QTRT1: variants seen among roughly 807,000 people sequenced by gnomAD.
The protein encoded by QTRT1 is queuine tRNA-ribosyltransferase catalytic subunit 1.
Under a neutral mutation model 44.0 loss-of-function variants are expected in QTRT1, and 41 were observed. That is an observed-to-expected ratio of 0.93 (90% confidence interval 0.73 to 1.21). QTRT1 has a LOEUF of 1.21. QTRT1 is among the 50% of genes most tolerant of loss of function. QTRT1 has a pLI of 0.00. For missense variants in QTRT1, 542 were observed against 575.8 expected (o/e 0.94, Z 0.60); for synonymous variants, 226 against 237.1 (o/e 0.95, Z 0.43).
At chr19:10,701,908 A>T in intron 1 of QTRT1, 42 bp from the exon 2 acceptor site, 2 of 1,609,792 alleles carry the variant, frequency 1.2e-6, no homozygotes, top group Non-Finnish European at 1.7e-6. Flanking sequence ...GCCCCCAGGG[A>T]CGCGGTCACC....
chr19:10,701,928 A>T (rs751509909), intron 1 of QTRT1, 22 bp from the exon 2 acceptor site: 24 of 1,613,828 alleles, frequency 1.5e-5, no homozygotes, highest in Non-Finnish European at 2.0e-5. Context: ...CCCTAACCTG[A>T]CACTTTCTTC....
intron 5 of QTRT1, among the ~76,000 whole-genome samples, chr19:10,710,373 G>A (rs554482075): frequency 2.8e-3 from 419 of 152,060 alleles, no homozygotes; most frequent in Non-Finnish European, 3.8e-3. Flanking sequence ...CTGGAGTGCA[G>A]TGGCACCATC....
chr19:10,706,154 G>A (rs2068712790), intron 3 of QTRT1, among the ~76,000 whole-genome samples: 1 of 151,738 alleles, frequency 6.6e-6, no homozygotes, highest in African/African-American at 2.4e-5. Flanking sequence ...GCGCCCGGCT[G>A]TGGCCTGTTC....
At chr19:10,702,585 C>G (rs913459161) in intron 3 of QTRT1, among the ~76,000 whole-genome samples, 1 of 151,934 alleles carries the variant, frequency 6.6e-6, no homozygotes, top group Non-Finnish European at 1.5e-5. Flanking sequence ...GGGAAGATCA[C>G]TTGAGGCCGG....
In QTRT1 at chr19:10,712,604, C is replaced by T. The variant is rs1420568066; in HGVS notation, c.837C>T (p.Asp279=). The change falls in exon 7 of 10, where the codon GAC becomes GAT. Residue 279 remains aspartate (D), a synonymous_variant. Coordinates refer to ENST00000250237, the MANE Select transcript of QTRT1 (RefSeq NM_031209.3). This position sits in a 1 kb window ranked among gnomAD's most constrained non-coding sequence, Gnocchi z 5.6. ...VCVALGCDMF[D]CVFPTRTARF... ...TGGCTCTTGGATGTGACATGTTCGA[C>T]TGCGTCTTCCCCACACGGACAGCGG... 6.2e-7 allele frequency: 1 copy of T among 1,612,040 alleles called. No individual in the cohort carries two copies. The highest frequency in any genetic ancestry group is 1.7e-5 in the Admixed American group (1 of 59,418).
intron 3 of QTRT1, among the ~76,000 whole-genome samples, chr19:10,706,188 T>C (rs540960653): frequency 6.6e-6 from 1 of 152,000 alleles, no homozygotes; most frequent in South Asian, 2.1e-4. Flanking sequence ...ATTGTTTTCA[T>C]CTATTTATTT....
At chr19:10,709,722 G>A (rs1451241438) in intron 5 of QTRT1, among the ~76,000 whole-genome samples, 3 of 152,120 alleles carry the variant, frequency 2.0e-5, no homozygotes, top group Non-Finnish European at 4.4e-5. Flanking sequence ...GGTGGCGGGC[G>A]CCTGTAGTCT....
intron 5 of QTRT1, among the ~76,000 whole-genome samples, chr19:10,709,676 A>G (rs984373733): frequency 6.6e-6 from 1 of 152,070 alleles, no homozygotes; most frequent in Non-Finnish European, 1.5e-5. Flanking sequence ...GTGAAACCCC[A>G]TCTCTACTAA....
Position 10,712,742 on chromosome 19 carries a change from C to G in QTRT1, c.862-16C>G. ...CCCTGGGTGACGCCCCTTTCCCTGC[C>G]CTTCCTCTCCCACAGCGCTTTGGCT... On this transcript the variant is annotated splice_polypyrimidine_tract_variant and intron_variant, in intron 7 of 9. Transcript: ENST00000250237. The surrounding 1 kb of genome is among the most constrained non-coding windows in gnomAD (Gnocchi z 5.6). 1 of 1,610,864 alleles carries G rather than the reference C, an allele frequency of 6.2e-7. No individual in the cohort carries two copies.
Position 10,712,666 on chromosome 19 carries a change from G to C in QTRT1, c.861+38G>C, listed in dbSNP as rs1462071095. The C allele has an allele frequency of 8.3e-6, 11 of 1,323,766 alleles. No homozygotes were observed. The highest frequency in any genetic ancestry group is 1.0e-6 in the Non-Finnish European group (1 of 970,262). 82.0% of individuals were successfully genotyped at this position (1,323,766 alleles called of 1,614,324 possible). On this transcript the variant is annotated intron_variant, in intron 7 of 9. Transcript: ENST00000250237. This position sits in a 1 kb window ranked among gnomAD's most constrained non-coding sequence, Gnocchi z 5.6. Reference sequence around the variant, plus strand: ...CAGAAGGAGGTCAGGGCGGGAGACGGGTGGGGGACTAGGGAGGCAAGGTTA... The same window carrying C: ...CAGAAGGAGGTCAGGGCGGGAGACGCGTGGGGGACTAGGGAGGCAAGGTTA...
chr19:10,707,764 TAGAATGTATTGAG>T, intron 5 of QTRT1, 149 bp downstream of exon 5: 1 of 557,086 alleles, frequency 1.8e-6, no homozygotes, highest in East Asian at 2.9e-5. Context: ...CCACGTGCAG[TAGAATGTATTGAG>T]AGAATGGCCA....
chr19:10,704,785 C>A (rs1192689680), intron 3 of QTRT1, among the ~76,000 whole-genome samples: 1 of 151,860 alleles, frequency 6.6e-6, no homozygotes, highest in Non-Finnish European at 1.5e-5. Context: ...CGGGGTTTCT[C>A]CATGTTGGTC....
rs369761816 is a variant in QTRT1 at position 10,701,977 on chromosome 19, G to A, written c.271G>A (p.Gly91Ser). 2 of 1,614,176 alleles carry A rather than the reference G, an allele frequency of 1.2e-6. No individual in the cohort carries two copies. Among genetic ancestry groups the A allele is most frequent in the East Asian group, 2.2e-5 (1 of 44,882 alleles). The change falls in exon 2 of 10, where the codon GGT becomes AGT. Residue 91 changes from glycine (G) to serine (S), a missense_variant. By Grantham distance (56) the Gly-to-Ser change is moderately conservative. Coordinates refer to ENST00000250237, the MANE Select transcript of QTRT1 (RefSeq NM_031209.3). ...PGPELIQKAN[G>S]LHGFMNWPHN... ...ACCCGAGCTGATCCAGAAAGCCAACGGTCTCCACGGCTTCATGAATTGGCC... is the reference window on the plus strand; with the variant it reads ...ACCCGAGCTGATCCAGAAAGCCAACAGTCTCCACGGCTTCATGAATTGGCC...
rs1166574688 is a variant in QTRT1, at chr19:10,701,721, G to T, written c.243+18G>T. The T allele has an allele frequency of 6.4e-7, 1 of 1,563,992 alleles. No homozygotes were observed. Among genetic ancestry groups the T allele is most frequent in the East Asian group, 2.4e-5 (1 of 42,352 alleles). ...TAAGGCCGGTGGGTGGGCTCTGCCC[G>T]CGCGGGGAGGCGGCGAGGCGGCGAG... On this transcript the variant is annotated intron_variant, in intron 1 of 9. Transcript: ENST00000250237.
chr19:10,713,111 C>T lies in QTRT1; in HGVS notation c.1060-7C>T. 2.5e-6 allele frequency: 4 copies of T among 1,608,914 alleles called. No homozygotes were observed. The highest frequency in any genetic ancestry group is 3.4e-6 in the Non-Finnish European group (4 of 1,179,378). On this transcript the variant is annotated splice_region_variant and splice_polypyrimidine_tract_variant and intron_variant, in intron 9 of 9. Transcript: ENST00000250237. The surrounding 1 kb of genome is among the most constrained non-coding windows in gnomAD (Gnocchi z 4.3). ...GTATGCCCCACGCTGACCTCCCCTCCCCGCAGCTGCAGCTCATGAGCGCCG... is the reference window on the plus strand; with the variant it reads ...GTATGCCCCACGCTGACCTCCCCTCTCCGCAGCTGCAGCTCATGAGCGCCG...
At chr19:10,709,791 GT>G (rs2068730404) in intron 5 of QTRT1, among the ~76,000 whole-genome samples, 1 of 152,082 alleles carries the variant, frequency 6.6e-6, no homozygotes, top group Non-Finnish European at 1.5e-5. Flanking sequence ...AGAGCTTGCA[GT>G]GAGCCGAGAT....
Position 10,702,167 on chromosome 19 carries a change from GA to G in QTRT1, c.365del (p.Glu122GlyfsTer17). ...GCTGGTGTCTCTGTCCGAGGTGACG[GA>G]GGAGGGCGTCCGCTTCCGCTCCCCC... The part of the protein sequence containing the change: ...VSLVSLSEVT[E>X]EGVRFRSPYD... On this transcript the variant is annotated frameshift_variant, in exon 3 of 10. Coordinates refer to ENST00000250237, the MANE Select transcript of QTRT1 (RefSeq NM_031209.3). LOFTEE classifies it high-confidence loss of function. 6.2e-7 allele frequency: 1 copy of G among 1,614,172 alleles called. No homozygotes were observed. The highest frequency in any genetic ancestry group is 1.3e-5 in the African/African-American group (1 of 75,042).
intron 3 of QTRT1, among the ~76,000 whole-genome samples, chr19:10,703,067 CTTTT>C (rs35329214): frequency 4.7e-5 from 2 of 43,010 alleles, no homozygotes; most frequent in Non-Finnish European, 3.7e-5. Flanking sequence ...CCACACCTGG[CTTTT>C]TTTTTTTTTT....
At chr19:10,708,033 TGCCTCCCTGCAACCTCC>T (rs1298628735) in intron 5 of QTRT1, among the ~76,000 whole-genome samples, 1 of 151,464 alleles carries the variant, frequency 6.6e-6, no homozygotes, top group African/African-American at 2.4e-5. Context: ...CTGCAACCTC[TGCCTCCCTGCAACCTCC>T]GCCTCCCGGG....
Sources: gnomAD v4.1 joint callset for allele counts (sites outside exome capture counted in the v4.1 genomes callset) on GRCh38, gnomAD v4.1.1 for gene constraint, Gnocchi (gnomAD v3.1) non-coding constraint, MANE v1.5 for transcripts, NCBI Gene and HGNC (gene_info 2026-07-23, HGNC 2026-07-21) for gene names.